The following SMG9 variants were observed in gnomAD, a reference collection of about 807,000 sequenced individuals.
SMG9 encodes the protein SMG9 nonsense mediated mRNA decay factor.
SMG9 carries 55 observed loss-of-function variants against 64.0 expected under a neutral mutation model. The observed-to-expected ratio is 0.86, with a 90% CI of 0.69 to 1.08. The LOEUF (loss-of-function observed/expected upper bound fraction) is 1.08, where lower values mean the gene tolerates loss of function less well. SMG9 is among the 50% of genes least tolerant of loss of function. The probability of loss-of-function intolerance (pLI) is 0.00; values close to 1 mark genes in which losing one functional copy is unlikely to be tolerated. For synonymous variants in SMG9, 244 were observed against 254.8 expected, an observed-to-expected ratio of 0.96 and a Z score of 0.41; for missense variants, 554 against 681.3, an observed-to-expected ratio of 0.81 and a Z score of 2.08.
Position 43,731,043 on chromosome 19 carries a change from C to A in SMG9, c.*553G>T. On this transcript the variant is annotated 3_prime_UTR_variant, in exon 14 of 14. Transcript: ENST00000270066. ...GAAACAGAATAACCCCTTCTAGGGA[C>A]TTCTTAGCAGAGACTGATCTCCATC... The A allele has an allele frequency of 4.5e-6, 4 of 881,330 alleles. No homozygotes were observed. Among genetic ancestry groups the A allele is most frequent in the Non-Finnish European group, 5.4e-6 (4 of 735,136 alleles). 54.6% of individuals were successfully genotyped at this position (881,330 alleles called of 1,614,324 possible). A position where few individuals can be genotyped will look rare whatever the true frequency, so the allele number is the denominator to read the frequency against.
intron 13 of SMG9, 185 bp downstream of exon 13, chr19:43,732,673 A>C: frequency 2.9e-6 from 2 of 679,620 alleles, no homozygotes; most frequent in Non-Finnish European, 4.9e-6. Flanking sequence ...AAGTCACAGG[A>C]AACAGCATGT....
intron 8 of SMG9, 56 bp downstream of exon 8, chr19:43,738,066 G>A: frequency 2.0e-6 from 3 of 1,515,904 alleles, no homozygotes; most frequent in Non-Finnish European, 2.7e-6. Context: ...CAGATCTTGG[G>A]AGGATGGGGG....
Position 43,731,359 on chromosome 19 carries a change from C to G in SMG9, c.*237G>C, listed in dbSNP as rs917649467. Reference sequence around the variant, plus strand: ...GCTTGTCCCTGTGGAGGACACAGGACGGGCTACCCCATCTCAGGTTTGGGG... The same window carrying G: ...GCTTGTCCCTGTGGAGGACACAGGAGGGGCTACCCCATCTCAGGTTTGGGG... On this transcript the variant is annotated 3_prime_UTR_variant, in exon 14 of 14. Coordinates refer to ENST00000270066, the MANE Select transcript of SMG9 (RefSeq NM_019108.4). 3 of 1,339,976 alleles carry G rather than the reference C, an allele frequency of 2.2e-6. No individual in the cohort carries two copies. In the African/African-American group the frequency reaches 4.5e-5, roughly 20 times the overall value. 83.0% of individuals were successfully genotyped at this position (1,339,976 alleles called of 1,614,324 possible). A position where few individuals can be genotyped will look rare whatever the true frequency, so the allele number is the denominator to read the frequency against.
intron 5 of SMG9, among the ~76,000 whole-genome samples, chr19:43,746,327 G>C (rs1184310298): frequency 5.9e-5 from 9 of 152,156 alleles, no homozygotes; most frequent in Non-Finnish European, 1.5e-5. Flanking sequence ...ATTCTGTTTG[G>C]TTGTACTAGC....
chr19:43,743,124 A>G (rs749379911), intron 6 of SMG9, among the ~76,000 whole-genome samples: 10 of 152,052 alleles, frequency 6.6e-5, no homozygotes, highest in Admixed American at 6.6e-5. Flanking sequence ...GACCTGATGA[A>G]AAGAGTTGAT....
At chr19:43,734,277 C>T in intron 10 of SMG9, 112 bp downstream of exon 10, 2 of 826,950 alleles carry the variant, frequency 2.4e-6, no homozygotes, top group Non-Finnish European at 1.9e-6. Flanking sequence ...AAAAGTGCTC[C>T]ACCCAGAACC....
rs775445159 is a variant in SMG9, at chr19:43,752,902, T to TAAAAAAAAAAAAAAAAAAAA, written c.-7+1751_-7+1752insTTTTTTTTTTTTTTTTTTTT. Among the ~76,000 whole-genome samples the TAAAAAAAAAAAAAAAAAAAA allele has an allele frequency of 1.3e-3, 126 of 96,202 alleles. 2 individuals carry two copies. Among genetic ancestry groups the TAAAAAAAAAAAAAAAAAAAA allele is most frequent in the African/African-American group, 3.3e-3 (69 of 21,086 alleles). The allele number at this position is 96,202 out of a possible 152,430, so 63.1% of individuals were successfully genotyped here. On this transcript the variant is annotated intron_variant, in intron 1 of 13. Coordinates refer to ENST00000270066, the MANE Select transcript of SMG9 (RefSeq NM_019108.4). ...CTGGGTAACAAAGCAAGACCCTGTC[T>TAAAAAAAAAAAAAAAAAAAA]AAAAAAAAAAAAAAGCAGAACCCTG...
chr19:43,733,279 A>G (rs1335187254), intron 12 of SMG9, 45 bp downstream of exon 12: 4 of 1,598,074 alleles, frequency 2.5e-6, no homozygotes, highest in Non-Finnish European at 3.4e-6. Context: ...CTCTCTGATC[A>G]GGATAGGACT....
rs1968801414 is a variant in SMG9, at chr19:43,740,110, T to C, written c.810A>G (p.Thr270=). 1 of 1,609,154 alleles carries C rather than the reference T, an allele frequency of 6.2e-7. No homozygotes were observed. The highest frequency in any genetic ancestry group is 1.3e-5 in the African/African-American group (1 of 74,908). The change falls in exon 7 of 14, where the codon ACA becomes ACG. Residue 270 remains threonine, a synonymous_variant. Transcript: ENST00000270066. The stretch of plus-strand genomic sequence containing the variant: ...CAAAGGCAGGCGGGGCTGGCACCTG[T>C]GTGTCCAGGAAAACAATCCGTTCTT... ...ITQERIVFLD[T]QPILSPSILD... is the part of the protein sequence containing the mutation.
At position 43,747,946 on chromosome 19, in the gene SMG9, C is replaced by A. The variant is rs346539; in HGVS notation, c.225+32G>T. On this transcript the variant is annotated intron_variant, in intron 3 of 13. Coordinates refer to ENST00000270066, the MANE Select transcript of SMG9 (RefSeq NM_019108.4). Reference sequence around the variant, plus strand: ...TCAATGGGGGCAATCCCTTCCCTAACGGCTCCCCCTCCTCCCTCCTTCTCT... The same window carrying A: ...TCAATGGGGGCAATCCCTTCCCTAAAGGCTCCCCCTCCTCCCTCCTTCTCT... 9.4e-5 allele frequency: 152 copies of A among 1,614,056 alleles called. No homozygotes were observed. The South Asian group carries it at 1.5e-3, about 16-fold the overall frequency.
Position 43,737,849 on chromosome 19 carries a change from T to G in SMG9, c.910-167A>C, listed in dbSNP as rs987817124. 23 of 684,358 alleles carry G rather than the reference T, an allele frequency of 3.4e-5. No homozygotes were observed. In the African/African-American group the frequency reaches 4.0e-4, roughly 12 times the overall value. The allele number at this position is 684,358 out of a possible 1,614,324, so 42.4% of individuals were successfully genotyped here. On this transcript the variant is annotated intron_variant, in intron 8 of 13. Transcript: ENST00000270066. The stretch of plus-strand genomic sequence containing the variant: ...ACTTCCCTTACAGGCCATCCCTAAC[T>G]CAGGAAAGGTGGGAATTATCACCCC...
rs980053218 is a variant in SMG9 at position 43,728,144 on chromosome 19, C to T, written c.*3452G>A. 3.9e-5 allele frequency: 6 copies of T among 152,062 alleles called. No individual in the cohort carries two copies. Among genetic ancestry groups the T allele is most frequent in the African/African-American group, 1.4e-4 (6 of 41,402 alleles). The allele number at this position is 152,062 out of a possible 1,614,324, so 9.4% of individuals were successfully genotyped here. ...CACTGATATGGTTTGGATCTGTGTC[C>T]CCACCAGATCTCATGTCAACTTGTA... On this transcript the variant is annotated 3_prime_UTR_variant, in exon 14 of 14. Coordinates refer to ENST00000270066, the MANE Select transcript of SMG9 (RefSeq NM_019108.4).
intron 9 of SMG9, 73 bp downstream of exon 9, chr19:43,737,524 G>C: frequency 7.5e-7 from 1 of 1,340,776 alleles, no homozygotes; most frequent in South Asian, 1.3e-5. Flanking sequence ...CCTTGAGTCA[G>C]TGGCTCAAGT....
rs542186493 is a variant in SMG9, at chr19:43,750,627, T to G, written c.115A>C (p.Arg39=). The G allele has an allele frequency of 6.2e-7, 1 of 1,613,762 alleles. No individual in the cohort carries two copies. Among genetic ancestry groups the G allele is most frequent in the Non-Finnish European group, 8.5e-7 (1 of 1,179,920 alleles). The change falls in exon 2 of 14, where the codon AGG becomes CGG. Residue 39 remains arginine, a synonymous_variant. Coordinates refer to ENST00000270066, the MANE Select transcript of SMG9 (RefSeq NM_019108.4). The stretch of plus-strand genomic sequence containing the variant: ...CTTTCCCATGGTGCAATGTAGTCCC[T>G]CTCCCGACCACCAGGCCCAGAGAGA... ...QNLSGPGGRE[R]DYIAPWERER...
At chr19:43,734,347 T>C (rs757286135) in intron 10 of SMG9, 42 bp downstream of exon 10, 6 of 1,491,490 alleles carry the variant, frequency 4.0e-6, no homozygotes, top group Admixed American at 3.9e-5. Flanking sequence ...GCCCCTCATT[T>C]TTCCTCCTGC....
intron 2 of SMG9, among the ~76,000 whole-genome samples, chr19:43,749,078 T>C (rs1317794473): frequency 6.6e-6 from 1 of 152,220 alleles, no homozygotes; most frequent in Non-Finnish European, 1.5e-5. Flanking sequence ...AAGGCTCCAA[T>C]AAACATTTCC....
chr19:43,731,384 G>A lies in SMG9; in HGVS notation c.*212C>T, dbSNP rs892100621. 2.2e-6 allele frequency: 3 copies of A among 1,376,010 alleles called. No homozygotes were observed. Among genetic ancestry groups the A allele is most frequent in the East Asian group, 5.7e-5 (2 of 35,388 alleles). The allele number at this position is 1,376,010 out of a possible 1,614,324, so 85.2% of individuals were successfully genotyped here. A position where few individuals can be genotyped will look rare whatever the true frequency, so the allele number is the denominator to read the frequency against. On this transcript the variant is annotated 3_prime_UTR_variant, in exon 14 of 14. Transcript: ENST00000270066. The stretch of plus-strand genomic sequence containing the variant: ...CGGGCTACCCCATCTCAGGTTTGGG[G>A]TGGGATCGCTCACAGTCACCCCCGG...
intron 12 of SMG9, 110 bp from the exon 13 acceptor site, chr19:43,733,112 C>T: frequency 2.1e-6 from 3 of 1,395,862 alleles, no homozygotes; most frequent in Non-Finnish European, 2.9e-6. Flanking sequence ...CCCGGCTGAG[C>T]TCTTCCTGTA....
At position 43,750,633 on chromosome 19, in the gene SMG9, G is replaced by A. The variant is rs199860409; in HGVS notation, c.109C>T (p.Arg37Trp). 21 of 1,613,768 alleles carry A rather than the reference G, an allele frequency of 1.3e-5. No homozygotes were observed. The East Asian group carries it at 3.1e-4, about 24-fold the overall frequency. Residue 37 changes from arginine (R) to tryptophan (W), a missense_variant, in exon 2 of 14, where the codon CGG becomes TGG. Transcript: ENST00000270066. ...CATGGTGCAATGTAGTCCCTCTCCC[G>A]ACCACCAGGCCCAGAGAGATTCTGG... ...GPQNLSGPGGRERDYIAPWER... is the reference protein window; with the variant it reads ...GPQNLSGPGGWERDYIAPWER...
Sources: allele counts gnomAD v4.1 joint callset (sites outside exome capture counted in the v4.1 genomes callset), GRCh38; gene constraint gnomAD v4.1.1; transcripts MANE v1.5; gene names NCBI Gene and HGNC (gene_info 2026-07-23, HGNC 2026-07-21).